The following PFKFB1 variants were observed in gnomAD, a reference collection of about 807,000 sequenced individuals.
PFKFB1 encodes 6-phosphofructo-2-kinase/fructose-2,6-bisphosphatase 1.
In PFKFB1, 34 loss-of-function variants were observed where a neutral mutation model predicts 46.4. The ratio of observed to expected loss-of-function variants is 0.73; its 90% CI spans 0.56 to 0.98. The LOEUF (loss-of-function observed/expected upper bound fraction) is 0.98, where lower values mean the gene tolerates loss of function less well. Ranked by LOEUF, PFKFB1 falls within the 50% of genes least tolerant of loss-of-function variation. PFKFB1 has a pLI of 0.00. For synonymous variants in PFKFB1, 119 were observed against 133.8 expected, an observed-to-expected ratio of 0.89 and a Z score of 0.76; for missense variants, 393 against 376.3, an observed-to-expected ratio of 1.04 and a Z score of -0.37.
At chrX:54,977,575 T>C (rs1042888316) in intron 1 of PFKFB1, among the ~76,000 whole-genome samples, 7 of 111,415 alleles carry the variant, frequency 6.3e-5, no homozygotes, top group African/African-American at 2.3e-4. Context: ...TCATGTTTAT[T>C]TTTAACGTAT....
chrX:54,938,150 T>G (rs979232643), intron 10 of PFKFB1, among the ~76,000 whole-genome samples: 4 of 110,317 alleles, frequency 3.6e-5, no homozygotes, highest in Non-Finnish European at 7.6e-5. Flanking sequence ...TAACTAAGAG[T>G]TTTGAGTTTT....
chrX:54,934,746 G>A (rs1021953128), intron 12 of PFKFB1, among the ~76,000 whole-genome samples: 3 of 111,509 alleles, frequency 2.7e-5, no homozygotes, highest in African/African-American at 6.5e-5. Context: ...GTCAGAGCCA[G>A]CCCCAGATTT....
intron 2 of PFKFB1, among the ~76,000 whole-genome samples, 181 bp downstream of exon 2, chrX:54,963,076 T>G (rs1934365295): frequency 8.9e-6 from 1 of 112,102 alleles, no homozygotes; most frequent in Admixed American, 9.4e-5. Context: ...GGGCACAAAG[T>G]ATGTGCTCAA....
At position 54,933,847 on chromosome X, in the gene PFKFB1, C is replaced by T. The variant is rs201730176; in HGVS notation, c.1330G>A (p.Val444Met). 27 of 1,207,690 alleles carry T rather than the reference C, an allele frequency of 2.2e-5. No homozygotes were observed. The highest frequency in any genetic ancestry group is 1.1e-4 in the South Asian group (6 of 56,647). ...VESIYLNVEA[V>M]NTHREKPENV... Reference sequence around the variant, plus strand: ...TCAGGCTTCTCCCGGTGTGTGTTCACGGCCTCCACATTCAGGTAGATGGAT... The same window carrying T: ...TCAGGCTTCTCCCGGTGTGTGTTCATGGCCTCCACATTCAGGTAGATGGAT... Residue 444 changes from valine to methionine, a missense_variant, in exon 13 of 14, where the codon GTG becomes ATG. Physicochemically the swap from Val to Met is conservative, Grantham distance 21. Coordinates refer to ENST00000375006, the MANE Select transcript of PFKFB1 (RefSeq NM_002625.4).
intron 1 of PFKFB1, among the ~76,000 whole-genome samples, chrX:54,975,881 G>A (rs1488348783): frequency 9.0e-6 from 1 of 111,281 alleles, no homozygotes; most frequent in Non-Finnish European, 1.9e-5. Flanking sequence ...GTGCTAGAAC[G>A]ATTGGAAGTC....
Position 54,947,975 on chromosome X carries a change from T to G in PFKFB1, c.993+1100A>C, listed in dbSNP as rs1454224463. Among the ~76,000 whole-genome samples, 3 of 107,175 alleles carry G rather than the reference T, an allele frequency of 2.8e-5. No homozygotes were observed. The East Asian group carries it at 8.8e-4, about 31-fold the overall frequency. The allele number at this position is 107,175 out of a possible 115,157, so 93.1% of individuals were successfully genotyped here. On this transcript the variant is annotated intron_variant, in intron 9 of 13. Coordinates refer to ENST00000375006, the MANE Select transcript of PFKFB1 (RefSeq NM_002625.4). Reference sequence around the variant, plus strand: ...GCCTTGATTGTCACTCAGGCTGGAGTGCAGTGGCATGATCACAGCTCACTG... The same window carrying G: ...GCCTTGATTGTCACTCAGGCTGGAGGGCAGTGGCATGATCACAGCTCACTG...
chrX:54,960,977 C>T, intron 2 of PFKFB1, 60 bp from the exon 3 acceptor site: 1 of 752,144 alleles, frequency 1.3e-6, no homozygotes. Flanking sequence ...AAAAAATGTC[C>T]TTGCTGGGAG....
At chrX:54,953,101 T>C (rs1361424163) in intron 7 of PFKFB1, among the ~76,000 whole-genome samples, 5 of 112,038 alleles carry the variant, frequency 4.5e-5, no homozygotes, top group Non-Finnish European at 9.4e-5. Context: ...GAGCAAGACT[T>C]CTGAGGCCTA....
intron 1 of PFKFB1, among the ~76,000 whole-genome samples, chrX:54,977,973 T>C (rs1427053028): frequency 9.0e-6 from 1 of 110,547 alleles, no homozygotes; most frequent in Non-Finnish European, 1.9e-5. Context: ...TAAAGTAAAC[T>C]ATGGACTCTG....
chrX:54,998,474 C>T (rs191684388), upstream of PFKFB1: 53 of 1,121,403 alleles, frequency 4.7e-5, no homozygotes, highest in Non-Finnish European at 6.0e-5. Flanking sequence ...ATTTACAGAC[C>T]CCCAAGGCAG....
At chrX:54,991,576 T>C (rs1220076076) in intron 1 of PFKFB1, among the ~76,000 whole-genome samples, 2 of 105,655 alleles carry the variant, frequency 1.9e-5, no homozygotes, top group African/African-American at 7.5e-5. Context: ...TGTGTGTTTG[T>C]ATATGTGTGT....
At chrX:54,948,957 C>CA (rs2146612167) in intron 9 of PFKFB1, 118 bp downstream of exon 9, 1 of 825,498 alleles carries the variant, frequency 1.2e-6, no homozygotes, top group Non-Finnish European at 1.8e-6. Context: ...GGCTAGTTGT[C>CA]AAAAAAGTTT....
intron 1 of PFKFB1, among the ~76,000 whole-genome samples, chrX:54,986,332 A>C (rs1935112823): frequency 1.8e-5 from 2 of 112,368 alleles, no homozygotes; most frequent in Non-Finnish European, 3.8e-5. Flanking sequence ...CAAATAGATT[A>C]AAAGTAAAAT....
Position 54,971,423 on chromosome X carries a change from C to A in PFKFB1, c.98-8041G>T, listed in dbSNP as rs1190243063. On this transcript the variant is annotated intron_variant, in intron 1 of 13. Coordinates refer to ENST00000375006, the MANE Select transcript of PFKFB1 (RefSeq NM_002625.4). ...ATGAAGTCCTTGCCCATGCCTATGT[C>A]CTGAATGGTAATGCCTAGGTTTTCT... is the stretch of plus-strand genomic sequence containing the variant. Among the ~76,000 whole-genome samples, 5 of 108,919 alleles carry A rather than the reference C, an allele frequency of 4.6e-5. No homozygotes were observed. The Admixed American group carries it at 4.9e-4, about 11-fold the overall frequency. 94.6% of individuals were successfully genotyped at this position (108,919 alleles called of 115,157 possible). A position where few individuals can be genotyped will look rare whatever the true frequency, so the allele number is the denominator to read the frequency against.
At chrX:54,993,790 T>C in intron 1 of PFKFB1, 121 bp downstream of exon 1, 3 of 948,560 alleles carry the variant, frequency 3.2e-6, no homozygotes, top group Admixed American at 7.5e-5. Context: ...ATCCAGTTGT[T>C]CATCTATTCC....
intron 2 of PFKFB1, among the ~76,000 whole-genome samples, chrX:54,961,541 C>T (rs1393614810): frequency 8.9e-6 from 1 of 111,797 alleles, no homozygotes; most frequent in Non-Finnish European, 1.9e-5. Context: ...ATATTTCATT[C>T]ACTCATCTAA....
At chrX:54,953,509 T>C (rs1934047725) in intron 7 of PFKFB1, among the ~76,000 whole-genome samples, 1 of 111,706 alleles carries the variant, frequency 9.0e-6, no homozygotes, top group Non-Finnish European at 1.9e-5. Flanking sequence ...GTTTCAAAGA[T>C]GAAGAAACTG....
chrX:54,996,444 C>A (rs1935358001), upstream of PFKFB1, among the ~76,000 whole-genome samples: 1 of 112,250 alleles, frequency 8.9e-6, no homozygotes, highest in Non-Finnish European at 1.9e-5. Flanking sequence ...GTCCTCATGG[C>A]CCTGCCAACA....
At chrX:54,950,626 G>A (rs1390486753) in intron 8 of PFKFB1, among the ~76,000 whole-genome samples, 2 of 112,580 alleles carry the variant, frequency 1.8e-5, no homozygotes, top group Non-Finnish European at 3.8e-5. Flanking sequence ...AGCTGTGTGG[G>A]CAGGGCCGGG....
Sources: gnomAD v4.1 joint callset for allele counts (sites outside exome capture counted in the v4.1 genomes callset) on GRCh38, gnomAD v4.1.1 for gene constraint, MANE v1.5 for transcripts, NCBI Gene and HGNC (gene_info 2026-07-23, HGNC 2026-07-21) for gene names.